The following HERC1 variants were observed in gnomAD, a reference collection of about 807,000 sequenced individuals.
The protein encoded by HERC1 is HECT and RLD domain containing E3 ubiquitin protein ligase family member 1.
HERC1 carries 160 observed loss-of-function variants against 554.3 expected under a neutral mutation model. That is an observed-to-expected ratio of 0.29 (90% CI 0.25 to 0.33). HERC1 has a LOEUF of 0.33. Ranked by LOEUF, HERC1 falls within the 10% of genes least tolerant of loss-of-function variation. The pLI is 1.00. For missense variants in HERC1, 4,919 were observed against 5,918.5 expected (o/e 0.83, Z 5.54); for synonymous variants, 2,175 against 2,131.7 (o/e 1.02, Z -0.56).
At chr15:63,729,121 G>A (rs928587899) in intron 16 of HERC1, 115 bp downstream of exon 16, 22 of 948,772 alleles carry the variant, frequency 2.3e-5, no homozygotes, top group African/African-American at 2.2e-4. Context: ...TTCAATAGAA[G>A]GAAATTCAAG....
At chr15:63,803,567 C>T (rs1405371627) in intron 1 of HERC1, among the ~76,000 whole-genome samples, 2 of 152,152 alleles carry the variant, frequency 1.3e-5, no homozygotes, top group South Asian at 2.1e-4. Context: ...GGATTATAGG[C>T]GTGAGCCAAC....
chr15:63,792,942 G>T (rs1234052015), intron 1 of HERC1, among the ~76,000 whole-genome samples: 1 of 152,204 alleles, frequency 6.6e-6, no homozygotes, highest in East Asian at 1.9e-4. Context: ...CACTCCTGGG[G>T]TTTGATTACT....
chr15:63,671,139 G>A lies in HERC1; in HGVS notation c.8045+1357C>T, dbSNP rs141601975. 1.8e-4 allele frequency among the ~76,000 whole-genome samples: 27 copies of A among 149,578 alleles called. 1 individual carries two copies. The East Asian group carries it at 5.1e-3, about 28-fold the overall frequency. On this transcript the variant is annotated intron_variant, in intron 39 of 77. Transcript: ENST00000443617. ...AATCGCTTGAACTCAGGAGGCTGAG[G>A]TTACGGTGAGCCCAGATCGCACCAC...
Position 63,694,460 on chromosome 15 carries a change from G to A in HERC1, c.5332C>T (p.Leu1778=), listed in dbSNP as rs758777463. The A allele has an allele frequency of 1.2e-6, 2 of 1,613,896 alleles. No individual in the cohort carries two copies. The highest frequency in any genetic ancestry group is 1.7e-6 in the Non-Finnish European group (2 of 1,179,898). ...VDVSLAISTG[L]LNVLSQLCGT... The stretch of plus-strand genomic sequence containing the variant: ...CACAACTGTGACAATACGTTTAGCA[G>A]ACCAGTGGAAATTGCCAAAGAAACA... The change falls in exon 29 of 78, where the codon CTG becomes TTG. Residue 1778 remains leucine, a synonymous_variant. Coordinates refer to ENST00000443617, the MANE Select transcript of HERC1 (RefSeq NM_003922.4). The surrounding 1 kb of genome is among the most constrained non-coding windows in gnomAD (Gnocchi z 4.3).
rs2073669220 is a variant in HERC1 at position 63,718,487 on chromosome 15, GCA to G, written c.3978+85_3978+86del. ...GTATTGAACATATGCAATAACCAAG[GCA>G]CATTTTTTTCTCACATAAACCAATT... is the stretch of plus-strand genomic sequence containing the variant. On this transcript the variant is annotated intron_variant, in intron 21 of 77. Transcript: ENST00000443617. The surrounding 1 kb of genome is among the most constrained non-coding windows in gnomAD (Gnocchi z 4.2). 7.7e-7 allele frequency: 1 copy of G among 1,305,440 alleles called. No individual in the cohort carries two copies. The highest frequency in any genetic ancestry group is 1.0e-6 in the Non-Finnish European group (1 of 964,752). 80.9% of individuals were successfully genotyped at this position (1,305,440 alleles called of 1,614,324 possible).
intron 19 of HERC1, among the ~76,000 whole-genome samples, chr15:63,722,294 G>A (rs1198066722): frequency 2.0e-5 from 3 of 152,122 alleles, no homozygotes; most frequent in Non-Finnish European, 4.4e-5. Flanking sequence ...TCTAGAGTAG[G>A]CAAAATGTTT....
intron 54 of HERC1, among the ~76,000 whole-genome samples, chr15:63,649,385 A>G (rs2069551601): frequency 6.6e-6 from 1 of 152,098 alleles, no homozygotes; most frequent in South Asian, 2.1e-4. Context: ...CACAAAAAAA[A>G]CAATTTCATC....
At chr15:63,702,679 T>C (rs1459660155) in intron 25 of HERC1, among the ~76,000 whole-genome samples, 1 of 152,208 alleles carries the variant, frequency 6.6e-6, no homozygotes, top group Non-Finnish European at 1.5e-5. Context: ...ATTAAATGAG[T>C]TACTATAATA....
At chr15:63,629,319 A>G (rs1595854100) in intron 69 of HERC1, among the ~76,000 whole-genome samples, 1 of 152,328 alleles carries the variant, frequency 6.6e-6, no homozygotes, top group African/African-American at 2.4e-5. Flanking sequence ...CTAAAAACTA[A>G]GCTGCAACAA....
At chr15:63,722,184 AAAT>A (rs2073848577) in intron 19 of HERC1, among the ~76,000 whole-genome samples, 1 of 152,188 alleles carries the variant, frequency 6.6e-6, no homozygotes, top group Non-Finnish European at 1.5e-5. Context: ...TAATTTTCTC[AAAT>A]AATATTAGAA....
chr15:63,720,847 G>C (rs897382341), intron 19 of HERC1, among the ~76,000 whole-genome samples: 2 of 152,138 alleles, frequency 1.3e-5, no homozygotes, highest in African/African-American at 4.8e-5. Context: ...TTTAAATTTA[G>C]CAGGTATTAC....
In HERC1 at chr15:63,775,078, T is replaced by A; in HGVS notation, c.546A>T (p.Ser182=). The part of the protein sequence containing the change: ...LLRQSWMMPV[S]GPGLSLCNDV... Reference sequence around the variant, plus strand: ...CGTTGCAAAGACTGAGACCAGGTCCTGACACAGGCATCATCCAACTTTGTC... The same window carrying A: ...CGTTGCAAAGACTGAGACCAGGTCCAGACACAGGCATCATCCAACTTTGTC... Residue 182 remains serine (S), a synonymous_variant, in exon 2 of 78, where the codon TCA becomes TCT. Transcript: ENST00000443617. The surrounding 1 kb of genome is among the most constrained non-coding windows in gnomAD (Gnocchi z 4.0). 6.2e-7 allele frequency: 1 copy of A among 1,614,056 alleles called. No homozygotes were observed. The highest frequency in any genetic ancestry group is 8.5e-7 in the Non-Finnish European group (1 of 1,179,896).
intron 2 of HERC1, among the ~76,000 whole-genome samples, chr15:63,769,628 C>G (rs1042373707): frequency 2.0e-5 from 3 of 151,510 alleles, no homozygotes; most frequent in Admixed American, 6.6e-5. Flanking sequence ...CTAAGGCAGG[C>G]AGATCATCTG....
At position 63,833,940 on chromosome 15, in the gene HERC1, G is replaced by C. The variant is rs1305238099; in HGVS notation, c.-140C>G. On this transcript the variant is annotated 5_prime_UTR_variant, in exon 1 of 78. Transcript: ENST00000443617. ...GCTGCAGCAGCAGCGACTTGTCAAAGGGAAAGACGTAAGAGGCGGCGGCAG... is the reference window on the plus strand; with the variant it reads ...GCTGCAGCAGCAGCGACTTGTCAAACGGAAAGACGTAAGAGGCGGCGGCAG... 1 of 153,074 alleles carries C rather than the reference G, an allele frequency of 6.5e-6. No homozygotes were observed. The highest frequency in any genetic ancestry group is 1.9e-4 in the South Asian group (1 of 5,256). 9.5% of individuals were successfully genotyped at this position (153,074 alleles called of 1,614,324 possible). A position where few individuals can be genotyped will look rare whatever the true frequency, so the allele number is the denominator to read the frequency against.
At chr15:63,645,280 G>A (rs2152858059) in intron 56 of HERC1, among the ~76,000 whole-genome samples, 183 bp from the exon 57 acceptor site, 1 of 152,164 alleles carries the variant, frequency 6.6e-6, no homozygotes, top group Non-Finnish European at 1.5e-5. Context: ...ATCACACCCA[G>A]AGATAAGGAG....
At chr15:63,809,703 C>T (rs1165496967) in intron 1 of HERC1, among the ~76,000 whole-genome samples, 1 of 150,812 alleles carries the variant, frequency 6.6e-6, no homozygotes, top group Non-Finnish European at 1.5e-5. Context: ...GCTCAGTCAA[C>T]ATTTTCTTAG....
intron 74 of HERC1, among the ~76,000 whole-genome samples, chr15:63,617,991 CAGA>C (rs967936016): frequency 3.9e-5 from 6 of 152,072 alleles, no homozygotes; most frequent in African/African-American, 1.2e-4. Flanking sequence ...TTTTGCTGTG[CAGA>C]AGCTCTTTAG....
chr15:63,724,495 C>T (rs2073956016), intron 18 of HERC1, among the ~76,000 whole-genome samples: 1 of 152,174 alleles, frequency 6.6e-6, no homozygotes, highest in Non-Finnish European at 1.5e-5. Flanking sequence ...TATAATCTTT[C>T]TCATTTTGTT....
At position 63,694,409 on chromosome 15, in the gene HERC1, G is replaced by A. The variant is rs1223489402; in HGVS notation, c.5383C>T (p.Pro1795Ser). Residue 1795 changes from proline (P) to serine (S), a missense_variant, in exon 29 of 78, where the codon CCC (proline) becomes TCC (serine). Pro to Ser is a moderately conservative substitution (Grantham distance 74). Coordinates refer to ENST00000443617, the MANE Select transcript of HERC1 (RefSeq NM_003922.4). The surrounding 1 kb of genome is among the most constrained non-coding windows in gnomAD (Gnocchi z 4.3). Reference sequence around the variant, plus strand: ...CCCGTCTTTGGCAACAACTGCAGGGGCTGTCCTAGCATGGTGTCTGTACCA... The same window carrying A: ...CCCGTCTTTGGCAACAACTGCAGGGACTGTCCTAGCATGGTGTCTGTACCA... ...LCGTDTMLGQ[P>S]LQLLPKTGVS... is the part of the protein sequence containing the mutation. The A allele has an allele frequency of 2.5e-6, 4 of 1,613,934 alleles. No individual in the cohort carries two copies. The highest frequency in any genetic ancestry group is 3.4e-6 in the Non-Finnish European group (4 of 1,179,864).
Sources: gnomAD v4.1 joint callset for allele counts (sites outside exome capture counted in the v4.1 genomes callset) on GRCh38, gnomAD v4.1.1 for gene constraint, Gnocchi (gnomAD v3.1) non-coding constraint, MANE v1.5 for transcripts, NCBI Gene and HGNC (gene_info 2026-07-23, HGNC 2026-07-21) for gene names.